CADM2: variants seen among roughly 807,000 people sequenced by gnomAD.
CADM2 encodes cell adhesion molecule 2.
CADM2 carries 12 observed loss-of-function variants against 49.8 expected under a neutral mutation model. The observed-to-expected ratio is 0.24, with a 90% CI of 0.15 to 0.39. CADM2 has a LOEUF of 0.39. Ranked by LOEUF, CADM2 falls within the 10% of genes least tolerant of loss-of-function variation. The probability of loss-of-function intolerance (pLI) is 1.00; values close to 1 mark genes in which losing one functional copy is unlikely to be tolerated. For missense variants in CADM2, 378 were observed against 492.3 expected, an observed-to-expected ratio of 0.77 and a Z score of 2.20; for synonymous variants, 214 against 175.4, an observed-to-expected ratio of 1.22 and a Z score of -1.74.
intron 1 of CADM2, among the ~76,000 whole-genome samples, chr3:85,128,265 A>G (rs2039105158): frequency 6.6e-6 from 1 of 152,204 alleles, no homozygotes; most frequent in Non-Finnish European, 1.5e-5. Context: ...AACATGGGCC[A>G]TTTATAATGC....
chr3:86,009,221 A>G (rs1002834009), intron 8 of CADM2, among the ~76,000 whole-genome samples: 30 of 147,782 alleles, frequency 2.0e-4, no homozygotes, highest in African/African-American at 7.4e-4. Flanking sequence ...GTGTGTGTAT[A>G]TATATATATA....
At chr3:85,093,356 C>T (rs538763445) in intron 1 of CADM2, among the ~76,000 whole-genome samples, 2 of 151,998 alleles carry the variant, frequency 1.3e-5, no homozygotes, top group South Asian at 2.1e-4. Flanking sequence ...ACTAAAACTA[C>T]AAAAATTAGC....
intron 1 of CADM2, among the ~76,000 whole-genome samples, chr3:85,242,809 T>C (rs537704733): frequency 6.6e-6 from 1 of 151,952 alleles, no homozygotes; most frequent in South Asian, 2.1e-4. Context: ...ATTCCAGATT[T>C]CATGTAGTTA....
intron 8 of CADM2, among the ~76,000 whole-genome samples, chr3:85,991,185 A>T (rs1728734413): frequency 1.3e-5 from 2 of 152,156 alleles, no homozygotes; most frequent in South Asian, 4.1e-4. Flanking sequence ...CACACATTTT[A>T]ATTATTTTTG....
At chr3:85,286,019 T>C (rs2043624678) in intron 1 of CADM2, among the ~76,000 whole-genome samples, 1 of 152,114 alleles carries the variant, frequency 6.6e-6, no homozygotes, top group Non-Finnish European at 1.5e-5. Context: ...CTTTGAAGGC[T>C]TCTCTAGGGA....
At chr3:85,228,092 A>G (rs1047180157) in intron 1 of CADM2, among the ~76,000 whole-genome samples, 5 of 152,062 alleles carry the variant, frequency 3.3e-5, no homozygotes, top group South Asian at 2.1e-4. Context: ...GAATCTGATG[A>G]TTATGTGCCT....
chr3:85,133,275 C>CTT (rs2039294131), intron 1 of CADM2, among the ~76,000 whole-genome samples: 2 of 152,180 alleles, frequency 1.3e-5, no homozygotes, highest in South Asian at 4.1e-4. Flanking sequence ...GGGCAGCGTG[C>CTT]TTTTATTCTC....
chr3:85,976,023 A>G (rs149089594), intron 8 of CADM2, among the ~76,000 whole-genome samples: 213 of 151,724 alleles, frequency 1.4e-3, no homozygotes, highest in Non-Finnish European at 2.2e-3. Context: ...AAATATTAGT[A>G]TAACTGCAGA....
intron 8 of CADM2, among the ~76,000 whole-genome samples, chr3:86,008,899 G>A (rs1731128016): frequency 6.6e-6 from 1 of 151,600 alleles, no homozygotes; most frequent in Admixed American, 6.6e-5. Context: ...TCTTCTCAAT[G>A]CATTTGATGT....
chr3:85,027,278 C>G (rs1476758962), intron 1 of CADM2, among the ~76,000 whole-genome samples: 1 of 151,590 alleles, frequency 6.6e-6, no homozygotes, highest in African/African-American at 2.4e-5. Flanking sequence ...CCAAGCCCGG[C>G]TAACTTTTTG....
At chr3:85,368,703 A>T (rs2107309082) in intron 1 of CADM2, among the ~76,000 whole-genome samples, 1 of 152,212 alleles carries the variant, frequency 6.6e-6, no homozygotes, top group East Asian at 1.9e-4. Context: ...TTCAGGCATA[A>T]TAATATATTT....
chr3:85,827,756 A>G lies in CADM2; in HGVS notation c.238+25560A>G, dbSNP rs1284776650. ...AATGCTGCTGTGCTGTATTTTTCCC[A>G]AATGTATTGTTTTTAACTCATAAAA... On this transcript the variant is annotated intron_variant, in intron 3 of 9. Coordinates refer to ENST00000383699, the MANE Select transcript of CADM2 (RefSeq NM_001167675.2). Among the ~76,000 whole-genome samples, 6 of 151,936 alleles carry G rather than the reference A, an allele frequency of 3.9e-5. No homozygotes were observed. In the East Asian group the frequency reaches 1.2e-3, roughly 29 times the overall value.
intron 1 of CADM2, among the ~76,000 whole-genome samples, chr3:85,199,370 T>TGTGTGAGAGAGAGAGAGAGA (rs1553694531): frequency 7.1e-5 from 10 of 140,166 alleles, no homozygotes; most frequent in African/African-American, 2.5e-4. Context: ...TGTGTGTGTA[T>TGTGTGAGAGAGAGAGAGAGA]GAGAGAGAGA....
chr3:86,058,125 A>G (rs1249912783), intron 8 of CADM2, among the ~76,000 whole-genome samples: 1 of 152,216 alleles, frequency 6.6e-6, no homozygotes, highest in Non-Finnish European at 1.5e-5. Context: ...ATCCTCACCC[A>G]TCAGACTGCC....
At chr3:85,695,011 C>T (rs1418059099) in intron 1 of CADM2, among the ~76,000 whole-genome samples, 1 of 152,108 alleles carries the variant, frequency 6.6e-6, no homozygotes, top group African/African-American at 2.4e-5. Context: ...TGCCACTTCC[C>T]TTGACTTTCT....
chr3:85,448,775 G>C (rs896736469), intron 1 of CADM2, among the ~76,000 whole-genome samples: 1 of 151,982 alleles, frequency 6.6e-6, no homozygotes, highest in Non-Finnish European at 1.5e-5. Flanking sequence ...ATTCGGCCGG[G>C]CGTGGTGGCT....
intron 8 of CADM2, among the ~76,000 whole-genome samples, chr3:86,030,023 G>A (rs1207139981): frequency 6.6e-6 from 1 of 152,058 alleles, no homozygotes; most frequent in East Asian, 1.9e-4. Flanking sequence ...TTTCAAGTAA[G>A]GCAGAAATGT....
intron 1 of CADM2, among the ~76,000 whole-genome samples, chr3:85,618,697 TAC>T (rs2063873317): frequency 6.6e-6 from 1 of 152,096 alleles, no homozygotes. Context: ...TACTATTAAG[TAC>T]ACAGATATAC....
chr3:85,576,884 T>G (rs1235321628), intron 1 of CADM2, among the ~76,000 whole-genome samples: 1 of 152,028 alleles, frequency 6.6e-6, no homozygotes, highest in African/African-American at 2.4e-5. Context: ...ATATCCCCTA[T>G]TGTATTCTAT....
Sources: allele counts gnomAD v4.1 joint callset (sites outside exome capture counted in the v4.1 genomes callset), GRCh38; gene constraint gnomAD v4.1.1; transcripts MANE v1.5; gene names NCBI Gene and HGNC (gene_info 2026-07-23, HGNC 2026-07-21).